FNIP1: variants seen among roughly 807,000 people sequenced by gnomAD.
FNIP1 encodes the protein folliculin interacting protein 1, also known as folliculin-interacting protein 1.
FNIP1 carries 40 observed loss-of-function variants against 124.5 expected under a neutral mutation model. That is an observed-to-expected ratio of 0.32 (90% CI 0.25 to 0.42). FNIP1 has a LOEUF of 0.42. FNIP1 is among the 10% of genes least tolerant of loss of function. The pLI is 1.00. For missense variants in FNIP1, 1,176 were observed against 1,403.7 expected (o/e 0.84, Z 2.59); for synonymous variants, 472 against 470.6 (o/e 1.00, Z -0.04).
intron 9 of FNIP1, 34 bp from the exon 10 acceptor site, chr5:131,704,300 A>T (rs781640639): frequency 2.7e-6 from 4 of 1,473,432 alleles, no homozygotes; most frequent in Non-Finnish European, 3.7e-6. Context: ...TAATTTACAA[A>T]AGTAAAAATA....
At position 131,641,783 on chromosome 5, in the gene FNIP1, C is replaced by A; in HGVS notation, c.*2902G>T. 1 of 152,670 alleles carries A rather than the reference C, an allele frequency of 6.6e-6. No homozygotes were observed. Among genetic ancestry groups the A allele is most frequent in the East Asian group, 1.9e-4 (1 of 5,330 alleles). The allele number at this position is 152,670 out of a possible 1,614,324, so 9.5% of individuals were successfully genotyped here. On this transcript the variant is annotated 3_prime_UTR_variant, in exon 18 of 18. Coordinates refer to ENST00000510461, the MANE Select transcript of FNIP1 (RefSeq NM_133372.3). ...GGGAGGTTATTATAATACAAGTGTA[C>A]ATTTGAGAAATGTATACAGAACAAG... is the stretch of plus-strand genomic sequence containing the variant.
intron 1 of FNIP1, among the ~76,000 whole-genome samples, chr5:131,757,935 G>C (rs919070652): frequency 2.0e-5 from 3 of 152,194 alleles, no homozygotes; most frequent in Non-Finnish European, 4.4e-5. Context: ...AAAACAAAAT[G>C]CTGGTCAAAA....
intron 1 of FNIP1, among the ~76,000 whole-genome samples, chr5:131,785,008 CT>C (rs1328717991): frequency 0.014 from 188 of 13,754 alleles, 8 homozygotes; most frequent in Admixed American, 0.034. Flanking sequence ...ATATATATGA[CT>C]ATATATATGA....
At chr5:131,769,322 T>C (rs1224036410) in intron 1 of FNIP1, among the ~76,000 whole-genome samples, 1 of 152,200 alleles carries the variant, frequency 6.6e-6, no homozygotes, top group African/African-American at 2.4e-5. Flanking sequence ...AAAATAAGTA[T>C]CTAAAATCTT....
In FNIP1 at chr5:131,671,939, G is replaced by A. The variant is rs373191619; in HGVS notation, c.2505C>T (p.Phe835=). The A allele has an allele frequency of 9.9e-6, 16 of 1,614,000 alleles. No individual in the cohort carries two copies. The highest frequency in any genetic ancestry group is 5.0e-5 in the Admixed American group (3 of 59,994). ...TTGAATCATCATTAAAATATTCGTC[G>A]AATAAGCTCATGCTTTCTGGGTCTG... ...NHSDPESMSL[F]DEYFNDDSIE... Residue 835 remains phenylalanine, a synonymous_variant, in exon 14 of 18, where the codon TTC becomes TTT. Coordinates refer to ENST00000510461, the MANE Select transcript of FNIP1 (RefSeq NM_133372.3).
rs372507391 is a variant in FNIP1, at chr5:131,650,733, T to G, written c.3306+1069A>C. Among the ~76,000 whole-genome samples the G allele has an allele frequency of 4.1e-4, 62 of 152,350 alleles. No individual in the cohort carries two copies. The South Asian group carries it at 9.9e-3, about 24-fold the overall frequency. On this transcript the variant is annotated intron_variant, in intron 16 of 17. Coordinates refer to ENST00000510461, the MANE Select transcript of FNIP1 (RefSeq NM_133372.3). ...ATACTTTCAGTCTTCCACCACTTAGTGTGATGTTGGCTATGGGTTTGTCAT... is the reference window on the plus strand; with the variant it reads ...ATACTTTCAGTCTTCCACCACTTAGGGTGATGTTGGCTATGGGTTTGTCAT...
At chr5:131,661,345 A>C (rs1054291430) in intron 15 of FNIP1, among the ~76,000 whole-genome samples, 2 of 152,044 alleles carry the variant, frequency 1.3e-5, no homozygotes, top group African/African-American at 2.4e-5. Context: ...TTTGCTGAGC[A>C]GTAAAGGAAG....
At chr5:131,788,706 A>C (rs548575465) in intron 1 of FNIP1, among the ~76,000 whole-genome samples, 1 of 151,258 alleles carries the variant, frequency 6.6e-6, no homozygotes, top group East Asian at 1.9e-4. Flanking sequence ...AAAAAAAAAA[A>C]AAAAAAAAAA....
chr5:131,661,170 T>C (rs975418743), intron 15 of FNIP1, among the ~76,000 whole-genome samples: 4 of 151,936 alleles, frequency 2.6e-5, no homozygotes, highest in African/African-American at 9.7e-5. Flanking sequence ...CTTAGAATTC[T>C]TGCTCAGGGA....
At chr5:131,796,112 T>C (rs1772580625) in intron 1 of FNIP1, 1 of 152,244 alleles carries the variant, frequency 6.6e-6, no homozygotes. Flanking sequence ...CATTTTCAAT[T>C]TTTAAGACTC....
rs768230433 is a variant in FNIP1, at chr5:131,672,857, T to G, written c.1587A>C (p.Gln529His). Reference protein sequence around the residue: ...LARTVVVGKRQDMVQRLLYFL... With the variant: ...LARTVVVGKRHDMVQRLLYFL... ...AATAAAGTAGCCTCTGGACCATGTC[T>G]TGTCGTTTGCCAACTACCACAGTCC... The change falls in exon 14 of 18, where the codon CAA (glutamine) becomes CAC (histidine). Residue 529 changes from glutamine (Q) to histidine (H), a missense_variant. Transcript: ENST00000510461. 6.2e-7 allele frequency: 1 copy of G among 1,606,730 alleles called. No individual in the cohort carries two copies. Among genetic ancestry groups the G allele is most frequent in the South Asian group, 1.1e-5 (1 of 89,762 alleles).
At chr5:131,700,740 A>T (rs1440286885) in intron 10 of FNIP1, among the ~76,000 whole-genome samples, 3 of 138,452 alleles carry the variant, frequency 2.2e-5, no homozygotes, top group Non-Finnish European at 4.5e-5. Context: ...GCTTTTATTT[A>T]AAAAAAAAAA....
At chr5:131,718,309 C>T (rs564097341) in intron 5 of FNIP1, among the ~76,000 whole-genome samples, 6 of 152,258 alleles carry the variant, frequency 3.9e-5, no homozygotes, top group Admixed American at 3.9e-4. Context: ...AATGGGGGCT[C>T]TACAGAATTT....
At chr5:131,767,692 T>C (rs1424731642) in intron 1 of FNIP1, among the ~76,000 whole-genome samples, 1 of 152,146 alleles carries the variant, frequency 6.6e-6, no homozygotes, top group Admixed American at 6.5e-5. Context: ...AGGAGTACCA[T>C]TTTAATGCTG....
At chr5:131,644,911 A>G in intron 17 of FNIP1, 148 bp from the exon 18 acceptor site, 1 of 653,136 alleles carries the variant, frequency 1.5e-6, no homozygotes, top group Non-Finnish European at 2.6e-6. Flanking sequence ...TTCTCAGTAA[A>G]TAAAACACAG....
At chr5:131,736,929 A>G (rs11242094) in intron 2 of FNIP1, among the ~76,000 whole-genome samples, 97,468 of 152,138 alleles carry the variant, frequency 0.64, 33,107 homozygotes, top group Non-Finnish European at 0.77. Flanking sequence ...TCAGAAAAGC[A>G]AAAGTTCTTT....
At chr5:131,748,415 C>T (rs1008904805) in intron 1 of FNIP1, among the ~76,000 whole-genome samples, 2 of 151,988 alleles carry the variant, frequency 1.3e-5, no homozygotes, top group African/African-American at 4.8e-5. Flanking sequence ...CTATGTTGGC[C>T]GGGTGCAGTG....
chr5:131,677,554 T>G, intron 13 of FNIP1, 149 bp downstream of exon 13: 1 of 676,384 alleles, frequency 1.5e-6, no homozygotes, highest in Non-Finnish European at 2.4e-6. Context: ...ATAAGACAAA[T>G]TGGCAGACAT....
intron 15 of FNIP1, among the ~76,000 whole-genome samples, chr5:131,653,432 G>C (rs1165529975): frequency 6.6e-6 from 1 of 151,974 alleles, no homozygotes; most frequent in Non-Finnish European, 1.5e-5. Context: ...CCAGCTACTT[G>C]GGAGGCTGAG....
Sources: gnomAD v4.1 joint callset for allele counts (sites outside exome capture counted in the v4.1 genomes callset) on GRCh38, gnomAD v4.1.1 for gene constraint, MANE v1.5 for transcripts, NCBI Gene and HGNC (gene_info 2026-07-23, HGNC 2026-07-21) for gene names.